CDH20: variants seen among roughly 807,000 people sequenced by gnomAD.
CDH20 encodes cadherin 20, also known as cadherin-20.
In CDH20, 29 loss-of-function variants were observed where a neutral mutation model predicts 74.2. The ratio of observed to expected loss-of-function variants is 0.39; its 90% confidence interval spans 0.29 to 0.53. The LOEUF is 0.53. Ranked by LOEUF, CDH20 falls within the 20% of genes least tolerant of loss-of-function variation. The pLI is 0.69. For synonymous variants in CDH20, 469 were observed against 405.4 expected, an observed-to-expected ratio of 1.16 and a Z score of -1.88; for missense variants, 988 against 1,048.3, an observed-to-expected ratio of 0.94 and a Z score of 0.79.
intron 6 of CDH20, among the ~76,000 whole-genome samples, chr18:61,525,260 G>A (rs566107796): frequency 3.3e-5 from 5 of 152,166 alleles, no homozygotes; most frequent in African/African-American, 9.6e-5. Context: ...ATAAATGTAT[G>A]TAAATATCTT....
At chr18:61,441,637 C>T (rs1011229741) in intron 1 of CDH20, among the ~76,000 whole-genome samples, 68 of 152,284 alleles carry the variant, frequency 4.5e-4, no homozygotes, top group African/African-American at 1.5e-3. Flanking sequence ...GGCCCCATAC[C>T]TTTGCAAAGG....
chr18:61,350,534 A>G (rs1407891250), intron 1 of CDH20, among the ~76,000 whole-genome samples: 1 of 152,292 alleles, frequency 6.6e-6, no homozygotes, highest in East Asian at 1.9e-4. Flanking sequence ...CTTCTTGGGA[A>G]GAGGAAAGTG....
intron 1 of CDH20, among the ~76,000 whole-genome samples, chr18:61,381,057 C>G (rs1911419423): frequency 6.6e-6 from 1 of 152,132 alleles, no homozygotes; most frequent in African/African-American, 2.4e-5. Context: ...CTGCCAGCCC[C>G]TAAGGACAGG....
At position 61,353,846 on chromosome 18, in the gene CDH20, C is replaced by T. The variant is rs1375045398; in HGVS notation, c.-153+20019C>T. Among the ~76,000 whole-genome samples the T allele has an allele frequency of 6.6e-6, 1 of 152,076 alleles. No individual in the cohort carries two copies. Among genetic ancestry groups the T allele is most frequent in the Non-Finnish European group, 1.5e-5 (1 of 68,014 alleles). ...CCTGTAATCCCAGCATTTTAGGAGGCCGGGGCGGTTGGATTGCCTGAACTC... is the reference window on the plus strand; with the variant it reads ...CCTGTAATCCCAGCATTTTAGGAGGTCGGGGCGGTTGGATTGCCTGAACTC... On this transcript the variant is annotated intron_variant, in intron 1 of 11. Transcript: ENST00000262717. The surrounding 1 kb of genome is among the most constrained non-coding windows in gnomAD (Gnocchi z 4.6).
chr18:61,496,415 A>G (rs1371595313), intron 2 of CDH20, among the ~76,000 whole-genome samples: 3 of 150,778 alleles, frequency 2.0e-5, no homozygotes, highest in Non-Finnish European at 4.4e-5. Flanking sequence ...AGCACCATCC[A>G]TACGGAACTT....
chr18:61,482,258 T>A (rs1182629713), intron 1 of CDH20, among the ~76,000 whole-genome samples: 1 of 152,216 alleles, frequency 6.6e-6, no homozygotes, highest in Non-Finnish European at 1.5e-5. Flanking sequence ...AATGATGAAT[T>A]TTTTATTCCT....
chr18:61,496,051 CCCCCCTCTCTCCTCCCTTCCTCT>C (rs1911130068), intron 2 of CDH20, among the ~76,000 whole-genome samples: 2 of 28,020 alleles, frequency 7.1e-5, no homozygotes, highest in Non-Finnish European at 1.7e-4. Flanking sequence ...CCCTTCCTCT[CCCCCCTCTCTCCTCCCTTCCTCT>C]CCCCCCTCTC....
chr18:61,540,984 T>C (rs1913014801), intron 9 of CDH20, among the ~76,000 whole-genome samples: 2 of 152,170 alleles, frequency 1.3e-5, no homozygotes, highest in Admixed American at 6.5e-5. Context: ...TTTCAACAAG[T>C]CTAGGATAAT....
chr18:61,399,785 A>T, intron 1 of CDH20, among the ~76,000 whole-genome samples: 1 of 152,224 alleles, frequency 6.6e-6, no homozygotes, highest in South Asian at 2.1e-4. Context: ...AACAAATTGC[A>T]TACTTTGGTT....
intron 6 of CDH20, among the ~76,000 whole-genome samples, chr18:61,510,444 T>C (rs1166331406): frequency 6.6e-6 from 1 of 152,232 alleles, no homozygotes; most frequent in African/African-American, 2.4e-5. Flanking sequence ...TGGAAGCCAC[T>C]GACAACCTTG....
At chr18:61,458,719 C>G (rs1313461335) in intron 1 of CDH20, among the ~76,000 whole-genome samples, 1 of 152,220 alleles carries the variant, frequency 6.6e-6, no homozygotes, top group Non-Finnish European at 1.5e-5. Context: ...AAGCAGAAAT[C>G]AGCCCTGCAA....
chr18:61,500,600 G>A (rs1325451040), intron 4 of CDH20, 98 bp downstream of exon 4: 1 of 1,314,698 alleles, frequency 7.6e-7, no homozygotes. Flanking sequence ...GACTCTCCAG[G>A]GAGTGTATTA....
In CDH20 at chr18:61,336,786, A is replaced by T. The variant is rs1015296967; in HGVS notation, c.-153+2959A>T. Among the ~76,000 whole-genome samples, 12 of 143,042 alleles carry T rather than the reference A, an allele frequency of 8.4e-5. 1 individual carries two copies. Among genetic ancestry groups the T allele is most frequent in the Admixed American group, 7.9e-4 (11 of 13,984 alleles). 93.8% of individuals were successfully genotyped at this position (143,042 alleles called of 152,430 possible). On this transcript the variant is annotated intron_variant, in intron 1 of 11. Coordinates refer to ENST00000262717, the MANE Select transcript of CDH20 (RefSeq NM_031891.4). ...AAAGAGACACGGAAGGAAGAGCTGC[A>T]GTGGCGAGAACATAAATCAGCCAGA...
At chr18:61,542,238 G>A (rs563539039) in intron 9 of CDH20, among the ~76,000 whole-genome samples, 1 of 152,316 alleles carries the variant, frequency 6.6e-6, no homozygotes, top group South Asian at 2.1e-4. Context: ...TAATCCTGGA[G>A]TGTGAGCAGC....
chr18:61,381,006 C>T (rs1911417566), intron 1 of CDH20, among the ~76,000 whole-genome samples: 1 of 152,120 alleles, frequency 6.6e-6, no homozygotes, highest in African/African-American at 2.4e-5. Context: ...ATTAGCCCTT[C>T]AAATTATTAA....
intron 1 of CDH20, among the ~76,000 whole-genome samples, chr18:61,432,521 T>G (rs1020243395): frequency 6.6e-6 from 1 of 152,190 alleles, no homozygotes; most frequent in Non-Finnish European, 1.5e-5. Flanking sequence ...CTATATAAAT[T>G]ACTATCCAGT....
chr18:61,492,391 C>A (rs1348305779), intron 2 of CDH20, among the ~76,000 whole-genome samples: 1 of 152,068 alleles, frequency 6.6e-6, no homozygotes, highest in Non-Finnish European at 1.5e-5. Context: ...TCCACCTGCA[C>A]CTCCCTCCCA....
chr18:61,392,060 A>G (rs1239627057), intron 1 of CDH20, among the ~76,000 whole-genome samples: 1 of 152,034 alleles, frequency 6.6e-6, no homozygotes, highest in Non-Finnish European at 1.5e-5. Context: ...AAAAATTGTA[A>G]TAGCTTACCA....
At chr18:61,443,026 A>G (rs12958629) in intron 1 of CDH20, among the ~76,000 whole-genome samples, 41,653 of 152,134 alleles carry the variant, frequency 0.27, 6,350 homozygotes, top group Non-Finnish European at 0.35. Context: ...CAGCTTCCAC[A>G]CGATAAGTTG....
Sources: allele counts gnomAD v4.1 joint callset (sites outside exome capture counted in the v4.1 genomes callset), GRCh38; gene constraint gnomAD v4.1.1; non-coding constraint Gnocchi (gnomAD v3.1); transcripts MANE v1.5; gene names NCBI Gene and HGNC (gene_info 2026-07-23, HGNC 2026-07-21).